Variants in TMEM236 observed in about 807,000 individuals in gnomAD.
TMEM236 encodes transmembrane protein 236.
TMEM236 carries 11 observed loss-of-function variants against 14.7 expected under a neutral mutation model. The ratio of observed to expected loss-of-function variants is 0.75; its 90% CI spans 0.47 to 1.24. The LOEUF is 1.24. Among genes scored for constraint, TMEM236 ranks in the 50% most tolerant of loss-of-function variants. TMEM236 has a pLI of 0.00. For synonymous variants in TMEM236, 182 were observed against 168.6 expected (o/e 1.08, Z -0.62); for missense variants, 464 against 427.3 (o/e 1.09, Z -0.76).
intron 3 of TMEM236, among the ~76,000 whole-genome samples, chr10:17,783,387 C>A (rs1387743613): frequency 6.6e-6 from 1 of 152,144 alleles, no homozygotes; most frequent in African/African-American, 2.4e-5. Context: ...GGTCAACAGG[C>A]TATTTGAGTG....
intron 3 of TMEM236, among the ~76,000 whole-genome samples, chr10:17,794,378 A>G (rs1400611016): frequency 2.0e-5 from 3 of 152,284 alleles, no homozygotes; most frequent in African/African-American, 7.2e-5. Context: ...ATTTCTTAGC[A>G]ACCAAAATGG....
intron 1 of TMEM236, among the ~76,000 whole-genome samples, chr10:17,761,693 C>CAAAAAA (rs1297497582): frequency 1.8e-5 from 2 of 114,104 alleles, no homozygotes; most frequent in Non-Finnish European, 1.8e-5. Context: ...GACTATGTCT[C>CAAAAAA]AAAAAAAAAA....
Position 17,796,305 on chromosome 10 carries a change from A to T in TMEM236, c.857A>T (p.Asn286Ile). Reference protein sequence around the residue: ...SLLRITFTPQNPLLNSLSVLL... With the variant: ...SLLRITFTPQIPLLNSLSVLL... ...CTTCGAATTACATTCACTCCCCAAA[A>T]CCCTCTTCTCAATTCCCTGAGCGTC... The change falls in exon 4 of 4, where the codon AAC becomes ATC. Residue 286 changes from asparagine (N) to isoleucine (I), a missense_variant. Asn to Ile is a moderately radical substitution (Grantham distance 149, BLOSUM62 -3). Coordinates refer to ENST00000377495, the MANE Select transcript of TMEM236 (RefSeq NM_001098844.3). 6.2e-7 allele frequency: 1 copy of T among 1,613,174 alleles called. No homozygotes were observed. Among genetic ancestry groups the T allele is most frequent in the East Asian group, 2.2e-5 (1 of 44,862 alleles).
intron 3 of TMEM236, among the ~76,000 whole-genome samples, chr10:17,780,203 G>A (rs1837724456): frequency 6.6e-6 from 1 of 152,072 alleles, no homozygotes. Flanking sequence ...AGACTCCTTT[G>A]AGGCAGCTTT....
intron 3 of TMEM236, 52 bp downstream of exon 3, chr10:17,776,222 C>A (rs1001614152): frequency 6.5e-7 from 1 of 1,534,100 alleles, no homozygotes. Flanking sequence ...ATATTTTTCA[C>A]ATTTCTGCCA....
chr10:17,761,737 C>A (rs1410945781), intron 1 of TMEM236, among the ~76,000 whole-genome samples: 1 of 151,614 alleles, frequency 6.6e-6, no homozygotes, highest in East Asian at 1.9e-4. Context: ...TGTATCTCAG[C>A]CGCACCCCTT....
chr10:17,769,204 G>A (rs1198027251), intron 1 of TMEM236, among the ~76,000 whole-genome samples: 4 of 152,246 alleles, frequency 2.6e-5, no homozygotes. Flanking sequence ...AAATACGGCA[G>A]ATGAGAGGTG....
intron 1 of TMEM236, among the ~76,000 whole-genome samples, chr10:17,768,871 A>G (rs1268942232): frequency 6.6e-6 from 1 of 152,092 alleles, no homozygotes; most frequent in Non-Finnish European, 1.5e-5. Flanking sequence ...TTCTAATTAC[A>G]TTGTGTGTTC....
chr10:17,755,901 A>G (rs966109320), intron 1 of TMEM236, among the ~76,000 whole-genome samples: 2 of 152,202 alleles, frequency 1.3e-5, no homozygotes, highest in Non-Finnish European at 2.9e-5. Flanking sequence ...TATTATTATT[A>G]GGCTATAATT....
chr10:17,793,591 C>T (rs973860275), intron 3 of TMEM236, among the ~76,000 whole-genome samples: 1 of 152,202 alleles, frequency 6.6e-6, no homozygotes, highest in Admixed American at 6.5e-5. Context: ...TCAAGCAATT[C>T]TCATGCCTCA....
chr10:17,774,628 T>G (rs1471480588), intron 2 of TMEM236, among the ~76,000 whole-genome samples: 1 of 151,700 alleles, frequency 6.6e-6, no homozygotes, highest in African/African-American at 2.4e-5. Context: ...TCCAGAAGAG[T>G]AAATCTTCCT....
chr10:17,765,324 A>G (rs1295310565), intron 1 of TMEM236, among the ~76,000 whole-genome samples: 5 of 152,242 alleles, frequency 3.3e-5, no homozygotes, highest in Admixed American at 2.0e-4. Flanking sequence ...CCCAAAATTC[A>G]TGTTCTTTTG....
In TMEM236 at chr10:17,796,032, C is replaced by T; in HGVS notation, c.584C>T (p.Thr195Ile). The T allele has an allele frequency of 6.2e-7, 1 of 1,613,942 alleles. No individual in the cohort carries two copies. The highest frequency in any genetic ancestry group is 1.1e-5 in the South Asian group (1 of 91,066). ...NAASPQATNS[T>I]QVSQPSGAMT... ...GCATCTCCCCAGGCAACCAACAGCA[C>T]CCAGGTGTCGCAGCCATCAGGAGCC... The change falls in exon 4 of 4, where the codon ACC becomes ATC. Residue 195 changes from threonine (T) to isoleucine (I), a missense_variant. Transcript: ENST00000377495.
chr10:17,753,309 G>A (rs1160752888), intron 1 of TMEM236, among the ~76,000 whole-genome samples: 1 of 152,184 alleles, frequency 6.6e-6, no homozygotes, highest in Non-Finnish European at 1.5e-5. Flanking sequence ...AGGTTAACTT[G>A]TGTCATGGGG....
rs1838017276 is a variant in TMEM236 at position 17,796,482 on chromosome 10, C to T, written c.1034C>T (p.Ala345Val). The change falls in exon 4 of 4, where the codon GCC becomes GTC. Residue 345 changes from alanine (A) to valine (V), a missense_variant. Ala to Val is a moderately conservative substitution (Grantham distance 64). Transcript: ENST00000377495. ...CTAACCAGAATCAGGATTTTTTCTG[C>T]CTTTGAAATGTCTCCATTTTAAAAA... ...NYLTRIRIFS[A>V]FEMSPF is the part of the protein sequence containing the mutation. 1.2e-6 allele frequency: 2 copies of T among 1,612,774 alleles called. No individual in the cohort carries two copies. Among genetic ancestry groups the T allele is most frequent in the African/African-American group, 2.7e-5 (2 of 74,742 alleles).
At chr10:17,790,948 C>T (rs1837915195) in intron 3 of TMEM236, among the ~76,000 whole-genome samples, 2 of 152,224 alleles carry the variant, frequency 1.3e-5, no homozygotes, top group Non-Finnish European at 2.9e-5. Context: ...TAAGTTGCTA[C>T]TTTTGCAACA....
chr10:17,767,996 G>A (rs1371137141), intron 1 of TMEM236, among the ~76,000 whole-genome samples: 1 of 148,858 alleles, frequency 6.7e-6, no homozygotes, highest in African/African-American at 2.5e-5. Context: ...TGCAACCTCT[G>A]CCTCCTGGGG....
In TMEM236 at chr10:17,798,454, G is replaced by T; in HGVS notation, c.*1950G>T. On this transcript the variant is annotated 3_prime_UTR_variant, in exon 4 of 4. Coordinates refer to ENST00000377495, the MANE Select transcript of TMEM236 (RefSeq NM_001098844.3). ...CTTAGGAGGCTGGGGCAGGAAGATT[G>T]CTTGAGCCCAGGAGGTCAAGGCTAC... is the stretch of plus-strand genomic sequence containing the variant. 1 of 449,764 alleles carries T rather than the reference G, an allele frequency of 2.2e-6. No individual in the cohort carries two copies. The highest frequency in any genetic ancestry group is 4.5e-6 in the Non-Finnish European group (1 of 223,034). 27.9% of individuals were successfully genotyped at this position (449,764 alleles called of 1,614,324 possible). A position where few individuals can be genotyped will look rare whatever the true frequency, so the allele number is the denominator to read the frequency against.
intron 1 of TMEM236, 33 bp downstream of exon 1, chr10:17,752,585 G>C (rs1837225491): frequency 6.2e-7 from 1 of 1,603,486 alleles, no homozygotes; most frequent in Non-Finnish European, 8.5e-7. Context: ...TTTTCTTTTT[G>C]ATTTGGAGTC....
Sources: gnomAD v4.1 joint callset for allele counts (sites outside exome capture counted in the v4.1 genomes callset) on GRCh38, gnomAD v4.1.1 for gene constraint, MANE v1.5 for transcripts, NCBI Gene and HGNC (gene_info 2026-07-23, HGNC 2026-07-21) for gene names.